Variants in PTPRQ observed in about 807,000 individuals in gnomAD.
PTPRQ encodes the protein phosphatidylinositol phosphatase PTPRQ.
A neutral mutation model predicts 246.0 loss-of-function variants in PTPRQ; 199 were observed. The ratio of observed to expected loss-of-function variants is 0.81; its 90% CI spans 0.72 to 0.91. The LOEUF is 0.91. Ranked by LOEUF, PTPRQ falls within the 40% of genes least tolerant of loss-of-function variation. The pLI is 0.00. For synonymous variants in PTPRQ, 869 were observed against 853.2 expected, an observed-to-expected ratio of 1.02 and a Z score of -0.32; for missense variants, 2,624 against 2,528.4, an observed-to-expected ratio of 1.04 and a Z score of -0.81.
At chr12:80,640,272 T>A (rs1169109532) in intron 35 of PTPRQ, among the ~76,000 whole-genome samples, 2 of 152,102 alleles carry the variant, frequency 1.3e-5, no homozygotes, top group Non-Finnish European at 2.9e-5. Context: ...CTGGAAAACT[T>A]TTAGTAGTGT....
At chr12:80,495,948 C>G (rs550275750) in intron 12 of PTPRQ, 51 bp from the exon 13 acceptor site, 5 of 1,522,480 alleles carry the variant, frequency 3.3e-6, no homozygotes, top group Non-Finnish European at 4.4e-6. Flanking sequence ...GGCACCAATC[C>G]CAAGAGTATT....
At chr12:80,445,786 T>C in intron 3 of PTPRQ, 69 bp downstream of exon 3, 2 of 1,085,444 alleles carry the variant, frequency 1.8e-6, no homozygotes, top group South Asian at 2.7e-5. Context: ...GGGAGGTTTT[T>C]CTCACCTTGT....
chr12:80,581,941 A>G (rs1014542482), intron 25 of PTPRQ, among the ~76,000 whole-genome samples: 2 of 152,230 alleles, frequency 1.3e-5, no homozygotes, highest in African/African-American at 4.8e-5. Context: ...ATTCTCATGC[A>G]TGTTGACAGG....
chr12:80,570,988 C>T (rs534129444), intron 25 of PTPRQ, among the ~76,000 whole-genome samples: 50 of 152,100 alleles, frequency 3.3e-4, no homozygotes, highest in Non-Finnish European at 5.0e-4. Context: ...TTACTGTAGC[C>T]TTGTAATATA....
chr12:80,624,814 G>A (rs146940881), intron 33 of PTPRQ, among the ~76,000 whole-genome samples: 3 of 152,234 alleles, frequency 2.0e-5, no homozygotes, highest in African/African-American at 7.2e-5. Context: ...CAATCTATTG[G>A]CTTTTCTAGG....
At chr12:80,499,796 G>A (rs998009011) in intron 14 of PTPRQ, among the ~76,000 whole-genome samples, 2 of 151,870 alleles carry the variant, frequency 1.3e-5, no homozygotes, top group African/African-American at 4.8e-5. Context: ...CTCTGTGTGT[G>A]TTTGTGTGTG....
At chr12:80,501,645 G>T (rs1451053978) in intron 14 of PTPRQ, among the ~76,000 whole-genome samples, 2 of 151,834 alleles carry the variant, frequency 1.3e-5, no homozygotes, top group Admixed American at 6.6e-5. Flanking sequence ...GCTATGTCGT[G>T]GGCAATACCA....
chr12:80,677,029 C>T (rs1565855214), intron 43 of PTPRQ, among the ~76,000 whole-genome samples: 1 of 152,100 alleles, frequency 6.6e-6, no homozygotes, highest in Non-Finnish European at 1.5e-5. Flanking sequence ...GGCAATAACA[C>T]ATAACGGCAG....
intron 17 of PTPRQ, among the ~76,000 whole-genome samples, chr12:80,518,051 C>T (rs1895358615): frequency 6.6e-6 from 1 of 152,062 alleles, no homozygotes; most frequent in Admixed American, 6.6e-5. Flanking sequence ...TTTTTGAGGA[C>T]CTTCCAAACT....
At chr12:80,510,475 G>A (rs1895093661) in intron 17 of PTPRQ, 32 bp downstream of exon 17, 1 of 1,511,162 alleles carries the variant, frequency 6.6e-7, no homozygotes, top group Non-Finnish European at 8.9e-7. Context: ...ATAGTTCTGA[G>A]AACAGATATT....
At chr12:80,448,441 G>A (rs556718475) in intron 3 of PTPRQ, among the ~76,000 whole-genome samples, 17 of 152,214 alleles carry the variant, frequency 1.1e-4, no homozygotes, top group African/African-American at 3.4e-4. Flanking sequence ...AGTTACATAT[G>A]TATACATGGG....
At chr12:80,555,556 G>C (rs1292687580) in intron 25 of PTPRQ, among the ~76,000 whole-genome samples, 1 of 152,022 alleles carries the variant, frequency 6.6e-6, no homozygotes, top group East Asian at 1.9e-4. Flanking sequence ...ATTAAGATTT[G>C]AAATAAAGGA....
chr12:80,606,839 G>T (rs1898342011), intron 27 of PTPRQ, among the ~76,000 whole-genome samples: 1 of 150,652 alleles, frequency 6.6e-6, no homozygotes, highest in Non-Finnish European at 1.5e-5. Flanking sequence ...AAAATAATTA[G>T]CACGAATGAT....
At chr12:80,458,321 G>C (rs1893041841) in intron 4 of PTPRQ, among the ~76,000 whole-genome samples, 1 of 152,040 alleles carries the variant, frequency 6.6e-6, no homozygotes, top group South Asian at 2.1e-4. Flanking sequence ...CCCAAGAATT[G>C]TTGCATTATA....
intron 38 of PTPRQ, among the ~76,000 whole-genome samples, chr12:80,654,863 A>AAAT (rs1166017512): frequency 1.3e-5 from 2 of 151,670 alleles, no homozygotes; most frequent in Admixed American, 1.3e-4. Context: ...CTATCTCAAA[A>AAAT]AATAATAATA....
intron 5 of PTPRQ, among the ~76,000 whole-genome samples, chr12:80,459,724 A>G (rs577468717): frequency 1.2e-3 from 181 of 152,324 alleles, no homozygotes; most frequent in African/African-American, 1.9e-3. Context: ...GATTAAAATC[A>G]TTTAGGGAAT....
chr12:80,626,978 C>A (rs898103863), intron 33 of PTPRQ, among the ~76,000 whole-genome samples: 1 of 151,952 alleles, frequency 6.6e-6, no homozygotes, highest in Non-Finnish European at 1.5e-5. Flanking sequence ...ACTTTATTAG[C>A]TACCTTTAAA....
intron 25 of PTPRQ, among the ~76,000 whole-genome samples, chr12:80,552,654 T>G (rs1385586095): frequency 5.9e-5 from 2 of 34,084 alleles, no homozygotes; most frequent in Admixed American, 2.8e-4. Context: ...ATTATATATA[T>G]ATATATATAT....
At chr12:80,555,744 T>A (rs979135535) in intron 25 of PTPRQ, among the ~76,000 whole-genome samples, 8 of 152,188 alleles carry the variant, frequency 5.3e-5, no homozygotes, top group Non-Finnish European at 1.0e-4. Flanking sequence ...ATCTTTTATA[T>A]AGACTTAATT....
Sources: allele counts gnomAD v4.1 joint callset (sites outside exome capture counted in the v4.1 genomes callset), GRCh38; gene constraint gnomAD v4.1.1; transcripts MANE v1.5; gene names NCBI Gene and HGNC (gene_info 2026-07-23, HGNC 2026-07-21).